ALK: variants seen among roughly 807,000 people sequenced by gnomAD.
ALK encodes the protein ALK receptor tyrosine kinase.
A neutral mutation model predicts 163.1 loss-of-function variants in ALK; 74 were observed. The ratio of observed to expected loss-of-function variants is 0.45; its 90% CI spans 0.38 to 0.55. ALK has a LOEUF of 0.55. Ranked by LOEUF, ALK falls within the 20% of genes least tolerant of loss-of-function variation. The probability of loss-of-function intolerance (pLI) is 0.00; values close to 1 mark genes in which losing one functional copy is unlikely to be tolerated. For synonymous variants in ALK, 960 were observed against 843.2 expected (o/e 1.14, Z -2.40); for missense variants, 2,063 against 2,105.3 (o/e 0.98, Z 0.39).
At chr2:29,781,911 C>T (rs992586299) in intron 1 of ALK, among the ~76,000 whole-genome samples, 1 of 152,176 alleles carries the variant, frequency 6.6e-6, no homozygotes, top group African/African-American at 2.4e-5. Context: ...GAACTGGGCC[C>T]ACAGTGGTCG....
chr2:29,307,290 G>A (rs945672376), intron 8 of ALK, among the ~76,000 whole-genome samples: 8 of 152,182 alleles, frequency 5.3e-5, no homozygotes, highest in African/African-American at 1.9e-4. Context: ...TGTTCTGACG[G>A]GGCAGGTGCT....
chr2:29,667,119 T>A (rs959972798), intron 3 of ALK, among the ~76,000 whole-genome samples: 4 of 152,186 alleles, frequency 2.6e-5, no homozygotes, highest in Admixed American at 6.6e-5. Context: ...TTTTGACTAT[T>A]GTGAATAGTG....
intron 3 of ALK, among the ~76,000 whole-genome samples, chr2:29,603,071 G>C (rs1000104384): frequency 6.6e-6 from 1 of 152,206 alleles, no homozygotes; most frequent in Non-Finnish European, 1.5e-5. Context: ...ACAGAGTTAA[G>C]TTATTTATTA....
chr2:29,605,016 A>T (rs1675501304), intron 3 of ALK, among the ~76,000 whole-genome samples: 1 of 152,206 alleles, frequency 6.6e-6, no homozygotes, highest in South Asian at 2.1e-4. Context: ...CAATAGTAGG[A>T]CACTATGTGA....
At chr2:29,850,670 C>G (rs79063385) in intron 1 of ALK, among the ~76,000 whole-genome samples, 2,979 of 152,274 alleles carry the variant, frequency 0.02, 88 homozygotes, top group African/African-American at 0.069. Flanking sequence ...CAGCCAGGCT[C>G]GGGGGTGTTT....
chr2:29,281,548 T>G (rs1218848385), intron 9 of ALK, among the ~76,000 whole-genome samples: 1 of 152,206 alleles, frequency 6.6e-6, no homozygotes, highest in Non-Finnish European at 1.5e-5. Flanking sequence ...TTTGATTGCA[T>G]GGGTTGTTGT....
At chr2:29,562,633 G>T (rs1674056572) in intron 3 of ALK, among the ~76,000 whole-genome samples, 1 of 152,016 alleles carries the variant, frequency 6.6e-6, no homozygotes, top group Admixed American at 6.6e-5. Context: ...GTGAAGAAGG[G>T]GGAAAAAAAA....
At chr2:29,689,606 C>A (rs991246470) in intron 3 of ALK, among the ~76,000 whole-genome samples, 1 of 152,150 alleles carries the variant, frequency 6.6e-6, no homozygotes, top group African/African-American at 2.4e-5. Context: ...GATCCACATG[C>A]CAACCCAGAC....
At chr2:29,664,490 C>A (rs188831139) in intron 3 of ALK, among the ~76,000 whole-genome samples, 7 of 152,144 alleles carry the variant, frequency 4.6e-5, no homozygotes, top group African/African-American at 1.4e-4. Flanking sequence ...CTTACCTGGT[C>A]TTCTTGTGGC....
At chr2:29,695,980 G>A (rs755524933) in intron 2 of ALK, among the ~76,000 whole-genome samples, 1 of 152,198 alleles carries the variant, frequency 6.6e-6, no homozygotes, top group Non-Finnish European at 1.5e-5. Context: ...TCTAGAACCA[G>A]AAATACCATT....
chr2:29,435,761 ACT>A (rs1478953642), intron 4 of ALK, among the ~76,000 whole-genome samples: 1 of 152,126 alleles, frequency 6.6e-6, no homozygotes, highest in African/African-American at 2.4e-5. Context: ...GACCTGGGTA[ACT>A]CTGACCCTTA....
chr2:29,205,524 T>TG (rs1465242938), intron 26 of ALK, among the ~76,000 whole-genome samples: 1 of 152,200 alleles, frequency 6.6e-6, no homozygotes, highest in Non-Finnish European at 1.5e-5. Context: ...ATCACAGGAC[T>TG]GAAATCAAGG....
chr2:29,484,772 T>C (rs1177913051), intron 4 of ALK, among the ~76,000 whole-genome samples: 2 of 152,188 alleles, frequency 1.3e-5, no homozygotes, highest in Admixed American at 1.3e-4. Context: ...ACATCTTTAT[T>C]TGTACGTTAT....
At chr2:29,356,675 G>A (rs540430055) in intron 5 of ALK, among the ~76,000 whole-genome samples, 2 of 152,288 alleles carry the variant, frequency 1.3e-5, no homozygotes, top group Admixed American at 6.5e-5. Context: ...ATTTTGGGAT[G>A]GGAGACTGAG....
intron 5 of ALK, among the ~76,000 whole-genome samples, chr2:29,335,039 C>G (rs541835106): frequency 1.3e-5 from 2 of 152,118 alleles, no homozygotes; most frequent in Non-Finnish European, 2.9e-5. Flanking sequence ...CCTGAGGCCC[C>G]GGCTGGCCAC....
intron 12 of ALK, 73 bp from the exon 13 acceptor site, chr2:29,239,903 T>C: frequency 6.5e-7 from 1 of 1,549,220 alleles, no homozygotes; most frequent in Non-Finnish European, 8.7e-7. Context: ...ACCCAGCAGC[T>C]TCCAGTGGGC....
intron 4 of ALK, among the ~76,000 whole-genome samples, chr2:29,505,959 C>A (rs577236470): frequency 3.3e-5 from 5 of 152,286 alleles, no homozygotes; most frequent in Middle Eastern, 3.4e-3. Flanking sequence ...AGCAATCCCC[C>A]GAAATAATGA....
chr2:29,611,321 T>G (rs188516972), intron 3 of ALK, among the ~76,000 whole-genome samples: 13 of 152,304 alleles, frequency 8.5e-5, no homozygotes, highest in African/African-American at 1.2e-4. Flanking sequence ...GAACCGACAG[T>G]GCATCAGCTC....
intron 6 of ALK, 103 bp from the exon 7 acceptor site, chr2:29,320,985 A>G: frequency 7.2e-7 from 1 of 1,391,448 alleles, no homozygotes; most frequent in African/African-American, 1.4e-5. Context: ...TATCTTCATT[A>G]GTAATATAGC....
Sources: allele counts gnomAD v4.1 joint callset (sites outside exome capture counted in the v4.1 genomes callset), GRCh38; gene constraint gnomAD v4.1.1; transcripts MANE v1.5; gene names NCBI Gene and HGNC (gene_info 2026-07-23, HGNC 2026-07-21).